NLGN4X: variants seen among roughly 807,000 people sequenced by gnomAD.
The protein encoded by NLGN4X is neuroligin 4 X-linked, also known as neuroligin-4, X-linked.
Under a neutral mutation model 40.3 loss-of-function variants are expected in NLGN4X, and 3 were observed. That is an observed-to-expected ratio of 0.07 (90% confidence interval 0.03 to 0.19). The LOEUF (loss-of-function observed/expected upper bound fraction) is 0.19, where lower values mean the gene tolerates loss of function less well. Ranked by LOEUF, NLGN4X falls within the 10% of genes least tolerant of loss-of-function variation. NLGN4X has a pLI of 1.00. For synonymous variants in NLGN4X, 270 were observed against 306.8 expected (o/e 0.88, Z 1.25); for missense variants, 382 against 708.3 (o/e 0.54, Z 5.23).
intron 2 of NLGN4X, among the ~76,000 whole-genome samples, chrX:6,115,534 C>G (rs765064897): frequency 9.0e-6 from 1 of 111,281 alleles, no homozygotes; most frequent in African/African-American, 3.3e-5. Flanking sequence ...CACTGAGGGA[C>G]GAGAAGGTAA....
chrX:6,087,346 T>C (rs5916297), intron 2 of NLGN4X, among the ~76,000 whole-genome samples: 22,192 of 111,044 alleles, frequency 0.2, 1,902 homozygotes, highest in South Asian at 0.27. Flanking sequence ...TGTACACATA[T>C]GTGTATGGAT....
chrX:6,076,065 G>A (rs1485957290), intron 2 of NLGN4X, among the ~76,000 whole-genome samples: 4 of 111,033 alleles, frequency 3.6e-5, no homozygotes, highest in East Asian at 2.8e-4. Context: ...TCTAAATCAC[G>A]CCCCCCTCTT....
intron 3 of NLGN4X, among the ~76,000 whole-genome samples, chrX:5,923,541 A>T (rs1354326826): frequency 8.9e-6 from 1 of 112,386 alleles, no homozygotes; most frequent in East Asian, 2.8e-4. Context: ...GAGGCCTCAC[A>T]ATCATGGTGG....
chrX:6,132,326 AC>A (rs1402837353), intron 2 of NLGN4X, among the ~76,000 whole-genome samples: 1 of 111,030 alleles, frequency 9.0e-6, no homozygotes, highest in African/African-American at 3.3e-5. Context: ...CATTGCTGAC[AC>A]CCCCTTGCCA....
chrX:6,006,345 C>T (rs2036101599), intron 3 of NLGN4X, among the ~76,000 whole-genome samples: 1 of 110,752 alleles, frequency 9.0e-6, no homozygotes, highest in Admixed American at 9.8e-5. Context: ...CTAATAGTTG[C>T]ATATGCAGCT....
intron 1 of NLGN4X, chrX:6,187,613 T>C (rs997030023): frequency 5.3e-5 from 6 of 112,700 alleles, no homozygotes; most frequent in African/African-American, 1.6e-4. Context: ...AATGCTGAGA[T>C]AAAACAGTCC....
chrX:6,200,687 CTTT>C (rs767226691), intron 1 of NLGN4X, among the ~76,000 whole-genome samples: 2 of 55,558 alleles, frequency 3.6e-5, no homozygotes, highest in South Asian at 1.8e-3. Flanking sequence ...CTTTCCTTTT[CTTT>C]TTTTTTTTTT....
At chrX:6,186,567 C>CA (rs1347865681) in intron 1 of NLGN4X, among the ~76,000 whole-genome samples, 1 of 111,259 alleles carries the variant, frequency 9.0e-6, no homozygotes, top group Non-Finnish European at 1.9e-5. Context: ...GAAAAACAGG[C>CA]AAAAAAGTAT....
intron 1 of NLGN4X, among the ~76,000 whole-genome samples, chrX:6,193,403 C>G (rs1287579244): frequency 1.6e-5 from 1 of 64,465 alleles, no homozygotes; most frequent in East Asian, 4.5e-4. Context: ...AACGAGACTC[C>G]GTCTCAAAAA....
chrX:6,051,191 T>C (rs906209146), intron 2 of NLGN4X, among the ~76,000 whole-genome samples: 1 of 112,102 alleles, frequency 8.9e-6, no homozygotes, highest in Admixed American at 9.5e-5. Flanking sequence ...ATTGTATAGA[T>C]ACTATGTTGT....
At chrX:6,020,155 C>A (rs146027648) in intron 3 of NLGN4X, among the ~76,000 whole-genome samples, 51 of 111,681 alleles carry the variant, frequency 4.6e-4, no homozygotes, top group African/African-American at 1.5e-3. Flanking sequence ...CTCCCATGTT[C>A]ATTGCAGCAC....
intron 3 of NLGN4X, among the ~76,000 whole-genome samples, chrX:5,925,847 T>TACAC (rs1382630155): frequency 5.5e-5 from 2 of 36,172 alleles, no homozygotes; most frequent in African/African-American, 3.7e-4. Context: ...TATATATACA[T>TACAC]ACACATATAT....
intron 1 of NLGN4X, among the ~76,000 whole-genome samples, chrX:6,165,045 C>A (rs1280481831): frequency 1.8e-5 from 2 of 111,276 alleles, no homozygotes; most frequent in African/African-American, 6.5e-5. Flanking sequence ...CAGGCTTGAA[C>A]CTCATCACCT....
chrX:5,926,934 T>TCTA (rs1555921578), intron 3 of NLGN4X, among the ~76,000 whole-genome samples: 1 of 96,869 alleles, frequency 1.0e-5, no homozygotes, highest in South Asian at 5.3e-4. Flanking sequence ...TCTCTATATC[T>TCTA]TCTATCTATC....
intron 1 of NLGN4X, among the ~76,000 whole-genome samples, chrX:6,208,224 C>G (rs1754628033): frequency 8.9e-6 from 1 of 112,280 alleles, no homozygotes; most frequent in Admixed American, 9.5e-5. Flanking sequence ...CTCTTCCCAT[C>G]TACTGAGCTT....
At chrX:6,165,487 GT>G (rs1030726184) in intron 1 of NLGN4X, among the ~76,000 whole-genome samples, 8 of 111,696 alleles carry the variant, frequency 7.2e-5, no homozygotes, top group African/African-American at 2.6e-4. Context: ...AAAATGAAAT[GT>G]TTTTTGCCAA....
intron 3 of NLGN4X, among the ~76,000 whole-genome samples, chrX:5,973,595 G>A (rs1451528326): frequency 8.9e-6 from 1 of 111,753 alleles, no homozygotes; most frequent in Non-Finnish European, 1.9e-5. Context: ...GGCCAAGGCA[G>A]GCAGATCACA....
At position 5,892,681 on chromosome X, in the gene NLGN4X, T is replaced by G; in HGVS notation, c.*136A>C. 7 of 927,410 alleles carry G rather than the reference T, an allele frequency of 7.5e-6. No homozygotes were observed. The highest frequency in any genetic ancestry group is 8.9e-6 in the Non-Finnish European group (6 of 670,819). 76.4% of individuals were successfully genotyped at this position (927,410 alleles called of 1,213,427 possible). A position where few individuals can be genotyped will look rare whatever the true frequency, so the allele number is the denominator to read the frequency against. ...TGGGATGACTGCCTTTTTGCATTTT[T>G]GTCTTAAGTCAGTGGGACAAAAACA... On this transcript the variant is annotated 3_prime_UTR_variant, in exon 6 of 6. Transcript: ENST00000381095.
intron 2 of NLGN4X, among the ~76,000 whole-genome samples, chrX:6,116,835 C>T (rs999696432): frequency 9.0e-6 from 1 of 110,910 alleles, no homozygotes; most frequent in East Asian, 2.8e-4. Context: ...CCAAGAAGTG[C>T]TTTTAAGTGC....
Sources: gnomAD v4.1 joint callset for allele counts (sites outside exome capture counted in the v4.1 genomes callset) on GRCh38, gnomAD v4.1.1 for gene constraint, MANE v1.5 for transcripts, NCBI Gene and HGNC (gene_info 2026-07-23, HGNC 2026-07-21) for gene names.